Variants in TSHZ3 observed in about 807,000 individuals in gnomAD.
The protein encoded by TSHZ3 is teashirt zinc finger homeobox 3, also known as teashirt homolog 3.
Under a neutral mutation model 64.5 loss-of-function variants are expected in TSHZ3, and 10 were observed. The ratio of observed to expected loss-of-function variants is 0.16; its 90% CI spans 0.10 to 0.26. TSHZ3 has a LOEUF of 0.26. Among genes scored for constraint, TSHZ3 ranks in the 10% least tolerant of loss-of-function variants. The pLI is 1.00. For synonymous variants in TSHZ3, 608 were observed against 593.1 expected (o/e 1.03, Z -0.36); for missense variants, 1,242 against 1,421.7 (o/e 0.87, Z 2.03).
chr19:31,236,868 G>C (rs1305614685), intron 3 of TSHZ3, among the ~76,000 whole-genome samples: 4 of 152,200 alleles, frequency 2.6e-5, no homozygotes, highest in Non-Finnish European at 5.9e-5. Flanking sequence ...CAATCAACAG[G>C]CTGGGCGTGG....
At chr19:31,179,815 G>C (rs1378608916) in intron 5 of TSHZ3, among the ~76,000 whole-genome samples, 1 of 125,724 alleles carries the variant, frequency 8.0e-6, no homozygotes, top group Non-Finnish European at 1.6e-5. Flanking sequence ...GATGATGGTG[G>C]TGGTGATGAT....
At chr19:31,258,731 C>T (rs770708558) in intron 1 of TSHZ3, among the ~76,000 whole-genome samples, 1 of 152,158 alleles carries the variant, frequency 6.6e-6, no homozygotes, top group South Asian at 2.1e-4. Context: ...CTGAGATTCT[C>T]GGAGACTAGC....
intron 1 of TSHZ3, among the ~76,000 whole-genome samples, chr19:31,248,788 GAAA>G (rs60222074): frequency 2.2e-5 from 2 of 91,194 alleles, no homozygotes; most frequent in Admixed American, 1.3e-4. Flanking sequence ...GACCCTGTTT[GAAA>G]AAAAAAAAAA....
At chr19:31,338,128 C>T (rs1401967880) in intron 1 of TSHZ3, among the ~76,000 whole-genome samples, 1 of 152,068 alleles carries the variant, frequency 6.6e-6, no homozygotes, top group Non-Finnish European at 1.5e-5. Flanking sequence ...CTTTTTCCAC[C>T]AGGGAAGCAG....
chr19:31,205,263 C>A (rs1196915721), intron 4 of TSHZ3, among the ~76,000 whole-genome samples: 1 of 152,182 alleles, frequency 6.6e-6, no homozygotes, highest in Non-Finnish European at 1.5e-5. Context: ...TGCGATACCA[C>A]AATTTTTATA....
chr19:31,203,947 G>A (rs10426325), intron 5 of TSHZ3, among the ~76,000 whole-genome samples: 95,571 of 151,830 alleles, frequency 0.63, 30,329 homozygotes, highest in Middle Eastern at 0.72. Flanking sequence ...TCACAGTTCC[G>A]CATGGCTGGA....
intron 1 of TSHZ3, among the ~76,000 whole-genome samples, chr19:31,300,489 A>G (rs1976735735): frequency 6.6e-6 from 1 of 152,204 alleles, no homozygotes; most frequent in Non-Finnish European, 1.5e-5. Flanking sequence ...GTGGACAAAA[A>G]GAAAAAACCA....
chr19:31,269,024 C>T (rs1055607955), intron 1 of TSHZ3, among the ~76,000 whole-genome samples: 3 of 152,068 alleles, frequency 2.0e-5, no homozygotes, highest in African/African-American at 7.2e-5. Context: ...CGGAGCAGCC[C>T]CTGCTGCCCA....
chr19:31,268,911 C>T lies in TSHZ3; in HGVS notation n.64-26036G>A, dbSNP rs141420933. On this transcript the variant is annotated intron_variant and non_coding_transcript_variant, in intron 1 of 6. Transcript: ENST00000651361. The stretch of plus-strand genomic sequence containing the variant: ...GAAAATTCCTGAGACCCCAGTTCAA[C>T]AGACACAGTCTCTTGTACCCCAAGC... Among the ~76,000 whole-genome samples the T allele has an allele frequency of 5.2e-3, 796 of 152,268 alleles. 5 individuals carry two copies. Among genetic ancestry groups the T allele is most frequent in the Non-Finnish European group, 8.9e-3 (603 of 68,026 alleles).
rs1432683639 is a variant in TSHZ3 at position 31,275,573 on chromosome 19, C to T, written c.*974G>A. 4.6e-5 allele frequency: 7 copies of T among 152,366 alleles called. No homozygotes were observed. The highest frequency in any genetic ancestry group is 4.6e-4 in the Admixed American group (7 of 15,248). 9.4% of individuals were successfully genotyped at this position (152,366 alleles called of 1,614,324 possible). A position where few individuals can be genotyped will look rare whatever the true frequency, so the allele number is the denominator to read the frequency against. ...TAGTTCTGATGCCTGCCAGGGATGT[C>T]TTTCCCGGTCTCGTTTATTCAGACT... On this transcript the variant is annotated 3_prime_UTR_variant, in exon 2 of 2. Coordinates refer to ENST00000240587, the MANE Select transcript of TSHZ3 (RefSeq NM_020856.4).
intron 1 of TSHZ3, among the ~76,000 whole-genome samples, chr19:31,309,348 T>C (rs1363197820): frequency 6.6e-6 from 1 of 151,810 alleles, no homozygotes; most frequent in Non-Finnish European, 1.5e-5. Context: ...AGGAGGAACA[T>C]GGCCTCTAGC....
At chr19:31,312,836 T>C (rs777020831) in intron 1 of TSHZ3, among the ~76,000 whole-genome samples, 25 of 152,168 alleles carry the variant, frequency 1.6e-4, no homozygotes, top group Non-Finnish European at 2.9e-4. Flanking sequence ...TCCCCCTTTT[T>C]AAAGAAGAGA....
intron 1 of TSHZ3, among the ~76,000 whole-genome samples, chr19:31,304,974 T>C (rs2145147322): frequency 6.6e-6 from 1 of 152,326 alleles, no homozygotes; most frequent in South Asian, 2.1e-4. Flanking sequence ...CTGTGATCAG[T>C]TGCATAAATT....
At chr19:31,236,884 C>G (rs1252943033) in intron 3 of TSHZ3, among the ~76,000 whole-genome samples, 2 of 152,218 alleles carry the variant, frequency 1.3e-5, no homozygotes, top group African/African-American at 4.8e-5. Context: ...CGTGGTGGCT[C>G]AGGCCTGTAA....
chr19:31,265,483 A>G (rs1976043564), intron 1 of TSHZ3, among the ~76,000 whole-genome samples: 1 of 152,008 alleles, frequency 6.6e-6, no homozygotes, highest in Admixed American at 6.6e-5. Context: ...TTGGTTTCTC[A>G]TCAGGATTCT....
At chr19:31,334,692 A>G (rs1375625936) in intron 1 of TSHZ3, among the ~76,000 whole-genome samples, 2 of 152,134 alleles carry the variant, frequency 1.3e-5, no homozygotes, top group Non-Finnish European at 2.9e-5. Context: ...AGAACACTCA[A>G]ATATCAAGTT....
chr19:31,171,355 A>G (rs1338768102), intron 5 of TSHZ3, among the ~76,000 whole-genome samples: 1 of 152,182 alleles, frequency 6.6e-6, no homozygotes, highest in Non-Finnish European at 1.5e-5. Context: ...CAGATGATGC[A>G]GCCCAGGAGA....
At chr19:31,317,719 C>T (rs1475473447) in intron 1 of TSHZ3, among the ~76,000 whole-genome samples, 9 of 152,230 alleles carry the variant, frequency 5.9e-5, no homozygotes, top group African/African-American at 1.9e-4. Context: ...CAAGAAGGGG[C>T]GGCTTGTCAT....
At chr19:31,170,410 A>G (rs1450136386) in intron 5 of TSHZ3, among the ~76,000 whole-genome samples, 1 of 152,126 alleles carries the variant, frequency 6.6e-6, no homozygotes, top group African/African-American at 2.4e-5. Context: ...CCATTCTCCA[A>G]ATTCCATCAT....
Sources: allele counts gnomAD v4.1 joint callset (sites outside exome capture counted in the v4.1 genomes callset), GRCh38; gene constraint gnomAD v4.1.1; transcripts MANE v1.5; gene names NCBI Gene and HGNC (gene_info 2026-07-23, HGNC 2026-07-21).